The following SHQ1 variants were observed in gnomAD, a reference collection of about 807,000 sequenced individuals.
SHQ1 encodes the protein SHQ1, H/ACA ribonucleoprotein assembly factor, also known as protein SHQ1 homolog.
SHQ1 carries 49 observed loss-of-function variants against 53.8 expected under a neutral mutation model. That is an observed-to-expected ratio of 0.91 (90% CI 0.72 to 1.16). The LOEUF is 1.16. SHQ1 is among the 50% of genes most tolerant of loss of function. The pLI, the probability that SHQ1 is intolerant of heterozygous loss-of-function variation, is 0.00. For synonymous variants in SHQ1, 243 were observed against 251.0 expected, an observed-to-expected ratio of 0.97 and a Z score of 0.30; for missense variants, 738 against 683.1, an observed-to-expected ratio of 1.08 and a Z score of -0.90.
intron 10 of SHQ1, among the ~76,000 whole-genome samples, chr3:72,779,384 G>GA (rs1416747294): frequency 6.6e-6 from 1 of 152,132 alleles, no homozygotes; most frequent in Non-Finnish European, 1.5e-5. Flanking sequence ...TTCCCCAGGG[G>GA]ATCCTCCTTC....
chr3:72,813,217 A>G (rs1707179573), intron 8 of SHQ1, among the ~76,000 whole-genome samples: 1 of 151,978 alleles, frequency 6.6e-6, no homozygotes, highest in Admixed American at 6.5e-5. Flanking sequence ...CATGCCTGTA[A>G]AGCACTTTGG....
At position 72,751,504 on chromosome 3, in the gene SHQ1, G is replaced by GACA. The variant is rs1553688156; in HGVS notation, c.1182-669_1182-668insTGT. On this transcript the variant is annotated intron_variant, in intron 10 of 10. Transcript: ENST00000325599. ...TGTGTGTGTGTGTGTGTGTGTGTGTGTGTGTATATATATATATATATATAT... is the reference window on the plus strand; with the variant it reads ...TGTGTGTGTGTGTGTGTGTGTGTGTGACATGTGTATATATATATATATATATAT... Among the ~76,000 whole-genome samples the GACA allele has an allele frequency of 3.0e-4, 36 of 118,152 alleles. 1 individual carries two copies. The highest frequency in any genetic ancestry group is 1.3e-3 in the African/African-American group (30 of 23,152). 77.5% of individuals were successfully genotyped at this position (118,152 alleles called of 152,430 possible).
At chr3:72,732,952 CA>C in the SHQ1 span, among the ~76,000 whole-genome samples, 2 of 151,670 alleles carry the variant, frequency 1.3e-5, no homozygotes, top group Admixed American at 6.6e-5. Flanking sequence ...TTCACACCCT[CA>C]GAAAGCCCTG....
chr3:72,830,768 A>G (rs1366535505), intron 5 of SHQ1, among the ~76,000 whole-genome samples: 1 of 152,216 alleles, frequency 6.6e-6, no homozygotes, highest in Non-Finnish European at 1.5e-5. Context: ...AGAAGTGGAA[A>G]GAATATTTCA....
At chr3:72,828,901 A>G (rs1707748004) in intron 5 of SHQ1, among the ~76,000 whole-genome samples, 2 of 152,122 alleles carry the variant, frequency 1.3e-5, no homozygotes, top group Non-Finnish European at 2.9e-5. Context: ...GCAGATTTTC[A>G]TTTTCAGCAC....
intron 5 of SHQ1, 136 bp from the exon 6 acceptor site, chr3:72,824,687 T>C (rs1466437833): frequency 1.9e-6 from 2 of 1,030,916 alleles, no homozygotes; most frequent in African/African-American, 3.3e-5. Flanking sequence ...GACTGAACAC[T>C]ATATTTACTT....
At chr3:72,807,929 A>T (rs1390345620) in intron 9 of SHQ1, among the ~76,000 whole-genome samples, 1 of 152,194 alleles carries the variant, frequency 6.6e-6, no homozygotes, top group Non-Finnish European at 1.5e-5. Context: ...GGGGACAACA[A>T]CTAAACTCCT....
At chr3:72,833,475 TAGATAGATAGATAGATAGATAGATAGAC>T (rs1198926591) in intron 4 of SHQ1, among the ~76,000 whole-genome samples, 29 of 73,690 alleles carry the variant, frequency 3.9e-4, no homozygotes, top group East Asian at 8.6e-4. Flanking sequence ...GATAGATAGA[TAGATAGATAGATAGATAGATAGATAGAC>T]AGACAGACAG....
At chr3:72,762,110 C>T (rs1219011789) in intron 10 of SHQ1, among the ~76,000 whole-genome samples, 1 of 152,104 alleles carries the variant, frequency 6.6e-6, no homozygotes, top group African/African-American at 2.4e-5. Flanking sequence ...CACACACATG[C>T]CTATACATAC....
the SHQ1 span, among the ~76,000 whole-genome samples, chr3:72,735,210 A>G: frequency 6.6e-6 from 1 of 151,616 alleles, no homozygotes; most frequent in Non-Finnish European, 1.5e-5. Flanking sequence ...GCTGCCTAAC[A>G]TATCACCCCA....
intron 9 of SHQ1, among the ~76,000 whole-genome samples, chr3:72,811,083 G>A (rs1223385742): frequency 1.3e-5 from 2 of 152,152 alleles, no homozygotes; most frequent in Admixed American, 6.5e-5. Flanking sequence ...TTTTGGTTAT[G>A]CAATCATAGT....
At chr3:72,771,808 T>G (rs1201565546) in intron 10 of SHQ1, among the ~76,000 whole-genome samples, 1 of 152,226 alleles carries the variant, frequency 6.6e-6, no homozygotes, top group Admixed American at 6.5e-5. Flanking sequence ...AGGCAGACAT[T>G]TGAAAAGAGA....
Position 72,801,736 on chromosome 3 carries a change from TAATA to T in SHQ1, c.1061-8704_1061-8701del, listed in dbSNP as rs376878282. Among the ~76,000 whole-genome samples, 921 of 152,344 alleles carry T rather than the reference TAATA, an allele frequency of 6.0e-3. 8 individuals are homozygous for T. The highest frequency in any genetic ancestry group is 0.02 in the African/African-American group (821 of 41,572). On this transcript the variant is annotated intron_variant, in intron 9 of 10. Coordinates refer to ENST00000325599, the MANE Select transcript of SHQ1 (RefSeq NM_018130.3). ...GCTTCTTTATATTTTAATCAATGGATAATAAATATAATTTAGTAAAGCTGATTAG... is the reference window on the plus strand; with the variant it reads ...GCTTCTTTATATTTTAATCAATGGATAATATAATTTAGTAAAGCTGATTAG...
intron 10 of SHQ1, among the ~76,000 whole-genome samples, chr3:72,764,163 G>C (rs1183101125): frequency 2.7e-5 from 4 of 145,482 alleles, no homozygotes; most frequent in Non-Finnish European, 5.9e-5. Context: ...ATGTACCCCT[G>C]TTACAAACCC....
At chr3:72,779,552 A>G (rs1453677495) in intron 10 of SHQ1, among the ~76,000 whole-genome samples, 3 of 152,234 alleles carry the variant, frequency 2.0e-5, no homozygotes, top group African/African-American at 7.2e-5. Flanking sequence ...CTAGAAGGGC[A>G]GAAGCCAAGT....
At chr3:72,745,147 G>T (rs569498736), downstream of SHQ1, among the ~76,000 whole-genome samples, 1 of 147,522 alleles carries the variant, frequency 6.8e-6, no homozygotes, top group East Asian at 2.0e-4. Context: ...CAGGAGTCTG[G>T]TTTTTTTTTT....
intron 10 of SHQ1, among the ~76,000 whole-genome samples, chr3:72,789,700 G>A (rs1230126152): frequency 6.6e-6 from 1 of 152,188 alleles, no homozygotes; most frequent in Non-Finnish European, 1.5e-5. Context: ...GTCCAGACAG[G>A]TGCTTATTCA....
intron 4 of SHQ1, among the ~76,000 whole-genome samples, chr3:72,833,530 TAGAC>T (rs139030362): frequency 2.3e-3 from 298 of 132,144 alleles, no homozygotes; most frequent in Middle Eastern, 4.0e-3. Flanking sequence ...AGATGGATGA[TAGAC>T]AGATAGATAG....
chr3:72,839,762 T>A (rs370086897), intron 4 of SHQ1, among the ~76,000 whole-genome samples: 1 of 152,060 alleles, frequency 6.6e-6, no homozygotes, highest in African/African-American at 2.4e-5. Flanking sequence ...GGTTTTGTTT[T>A]GTTGTGTTTG....
Sources: allele counts gnomAD v4.1 joint callset (sites outside exome capture counted in the v4.1 genomes callset), GRCh38; gene constraint gnomAD v4.1.1; transcripts MANE v1.5; gene names NCBI Gene and HGNC (gene_info 2026-07-23, HGNC 2026-07-21).